The following PRIM2 variants were observed in gnomAD, a reference collection of about 807,000 sequenced individuals.
PRIM2 encodes the protein DNA primase large subunit.
PRIM2 carries 39 observed loss-of-function variants against 67.3 expected under a neutral mutation model. The observed-to-expected ratio is 0.58, with a 90% confidence interval of 0.45 to 0.76. The LOEUF is 0.76. PRIM2 is among the 30% of genes least tolerant of loss of function. The pLI, the probability that PRIM2 is intolerant of heterozygous loss-of-function variation, is 0.00. For synonymous variants in PRIM2, 143 were observed against 198.7 expected (o/e 0.72, Z 2.36); for missense variants, 398 against 598.7 (o/e 0.66, Z 3.50).
intron 4 of PRIM2, among the ~76,000 whole-genome samples, chr6:57,324,838 A>G (rs1741916): frequency 0.76 from 115,862 of 152,026 alleles, 44,405 homozygotes; most frequent in African/African-American, 0.85. Context: ...AAAATTAATA[A>G]GCTTATCAAG....
chr6:57,307,490 G>A, the PRIM2 span, among the ~76,000 whole-genome samples: 2 of 151,906 alleles, frequency 1.3e-5, no homozygotes, highest in African/African-American at 2.4e-5. Flanking sequence ...CGCCCACCTC[G>A]GCCTCCCAAA....
Position 57,589,871 on chromosome 6 carries a change from G to A in PRIM2, c.1021-11222G>A, listed in dbSNP as rs1453235431. ...AGACAGAAGAGAGAGGCCTCATAAA[G>A]AGCAGGGAAAAAATTCCAGCCCAGG... On this transcript the variant is annotated intron_variant, in intron 10 of 13. Transcript: ENST00000615550. Among the ~76,000 whole-genome samples the A allele has an allele frequency of 4.2e-3, 643 of 152,226 alleles. 4 individuals are homozygous for A. The highest frequency in any genetic ancestry group is 0.021 in the South Asian group (102 of 4,826).
chr6:57,222,242 C>A, the PRIM2 span: 1 of 152,506 alleles, frequency 6.6e-6, no homozygotes, highest in Admixed American at 6.5e-5. Context: ...AGCAGCTCCG[C>A]CGGGGGTGGT....
intron 10 of PRIM2, among the ~76,000 whole-genome samples, chr6:57,593,589 C>T (rs1347012924): frequency 2.6e-5 from 4 of 152,190 alleles, no homozygotes; most frequent in Non-Finnish European, 5.9e-5. Context: ...CCACCGTGCC[C>T]GGCCTTCCTA....
intron 7 of PRIM2, among the ~76,000 whole-genome samples, chr6:57,411,141 C>G (rs1455721744): frequency 2.0e-5 from 3 of 151,948 alleles, no homozygotes; most frequent in Non-Finnish European, 4.4e-5. Context: ...CCAACTCTCT[C>G]TCTCTTGCTC....
At chr6:57,493,891 A>T (rs1773949205) in intron 7 of PRIM2, 1 of 152,144 alleles carries the variant, frequency 6.6e-6, no homozygotes, top group African/African-American at 2.4e-5. Flanking sequence ...AGTATAAAGG[A>T]TGGCAATTGC....
At chr6:57,483,880 GA>G (rs1203018091) in intron 7 of PRIM2, among the ~76,000 whole-genome samples, 6 of 152,184 alleles carry the variant, frequency 3.9e-5, no homozygotes, top group Admixed American at 2.6e-4. Context: ...AACTTGCAAT[GA>G]AATGTAAGCC....
chr6:57,608,800 A>C (rs1308985521), intron 12 of PRIM2, among the ~76,000 whole-genome samples: 1 of 152,090 alleles, frequency 6.6e-6, no homozygotes, highest in African/African-American at 2.4e-5. Context: ...TTCCTGGTTT[A>C]AGACCTGAGC....
At chr6:57,454,048 G>A (rs1387781941) in intron 7 of PRIM2, among the ~76,000 whole-genome samples, 1 of 152,180 alleles carries the variant, frequency 6.6e-6, no homozygotes, top group East Asian at 1.9e-4. Flanking sequence ...AAATAATCAT[G>A]TGGTTTTTGT....
chr6:57,333,158 C>A (rs1768114514), intron 5 of PRIM2, among the ~76,000 whole-genome samples: 1 of 152,078 alleles, frequency 6.6e-6, no homozygotes, highest in Non-Finnish European at 1.5e-5. Flanking sequence ...GCTCTGTTCC[C>A]TACTCCCTGC....
At chr6:57,260,756 G>A in the PRIM2 span, among the ~76,000 whole-genome samples, 1 of 151,648 alleles carries the variant, frequency 6.6e-6, no homozygotes, top group Non-Finnish European at 1.5e-5. Flanking sequence ...TTTTGGCCAG[G>A]TCATGTTCCT....
At chr6:57,596,866 G>C (rs1278364787) in intron 10 of PRIM2, among the ~76,000 whole-genome samples, 1 of 152,118 alleles carries the variant, frequency 6.6e-6, no homozygotes, top group Non-Finnish European at 1.5e-5. Context: ...CAGTGAAGAA[G>C]AAAAGCTATC....
intron 7 of PRIM2, among the ~76,000 whole-genome samples, chr6:57,418,383 GTTTTTTTTTTTTTTT>G (rs34491627): frequency 0.017 from 810 of 47,326 alleles, 42 homozygotes; most frequent in East Asian, 0.09. Flanking sequence ...TATGTGTGTG[GTTTTTTTTTTTTTTT>G]TTTTTTTTTT....
chr6:57,345,446 C>T (rs752948658), intron 5 of PRIM2, among the ~76,000 whole-genome samples: 1 of 148,120 alleles, frequency 6.8e-6, no homozygotes, highest in African/African-American at 2.5e-5. Flanking sequence ...GGTCTACAGG[C>T]GTGAGCCACC....
chr6:57,315,522 C>T (rs758600736), upstream of PRIM2, among the ~76,000 whole-genome samples: 39 of 152,088 alleles, frequency 2.6e-4, no homozygotes, highest in Non-Finnish European at 4.3e-4. Context: ...ATTATAAAAT[C>T]CTTGACAATT....
chr6:57,502,154 C>T (rs1464706423), intron 7 of PRIM2, among the ~76,000 whole-genome samples: 1 of 152,094 alleles, frequency 6.6e-6, no homozygotes, highest in Non-Finnish European at 1.5e-5. Flanking sequence ...GCCCCCCAGC[C>T]AAGGGAACCC....
intron 10 of PRIM2, among the ~76,000 whole-genome samples, chr6:57,571,280 A>G: frequency 6.6e-6 from 1 of 152,254 alleles, no homozygotes; most frequent in South Asian, 2.1e-4. Context: ...GTTCCTACAT[A>G]TCAGTAAGGT....
intron 3 of PRIM2, among the ~76,000 whole-genome samples, chr6:57,322,188 T>C (rs192420469): frequency 6.6e-6 from 1 of 152,302 alleles, no homozygotes; most frequent in Admixed American, 6.5e-5. Flanking sequence ...CTTGTACATA[T>C]ATGACAGGAG....
chr6:57,345,474 A>ATGTGTGTGTGTGTG (rs754685184), intron 5 of PRIM2, among the ~76,000 whole-genome samples: 27 of 124,610 alleles, frequency 2.2e-4, no homozygotes, highest in South Asian at 2.8e-4. Context: ...ATATATATAT[A>ATGTGTGTGTGTGTG]TGTGTGTGTG....
Sources: allele counts gnomAD v4.1 joint callset (sites outside exome capture counted in the v4.1 genomes callset), GRCh38; gene constraint gnomAD v4.1.1; transcripts MANE v1.5; gene names NCBI Gene and HGNC (gene_info 2026-07-23, HGNC 2026-07-21).